ACOXL: variants seen among roughly 807,000 people sequenced by gnomAD.
ACOXL encodes the protein acyl-CoA oxidase like, also known as acyl-coenzyme A oxidase-like protein.
A neutral mutation model predicts 71.9 loss-of-function variants in ACOXL; 70 were observed. The observed-to-expected ratio is 0.97, with a 90% confidence interval of 0.80 to 1.19. ACOXL has a LOEUF of 1.19. Among genes scored for constraint, ACOXL ranks in the 50% most tolerant of loss-of-function variants. The pLI, the probability that ACOXL is intolerant of heterozygous loss-of-function variation, is 0.00. For synonymous variants in ACOXL, 253 were observed against 281.6 expected (o/e 0.90, Z 1.02); for missense variants, 703 against 736.3 (o/e 0.95, Z 0.52).
chr2:111,095,172 C>T (rs895358173), intron 17 of ACOXL, among the ~76,000 whole-genome samples: 4 of 150,598 alleles, frequency 2.7e-5, no homozygotes, highest in Non-Finnish European at 5.9e-5. Context: ...AGACTATTTC[C>T]CACAAAGAGA....
chr2:111,028,428 T>G (rs11674813), intron 14 of ACOXL, among the ~76,000 whole-genome samples: 62,203 of 151,436 alleles, frequency 0.41, 13,162 homozygotes, highest in African/African-American at 0.49. Context: ...AGTGCTGGGT[T>G]TGCAGGTTTA....
intron 10 of ACOXL, among the ~76,000 whole-genome samples, chr2:110,844,694 C>G (rs1433700609): frequency 6.6e-6 from 1 of 152,014 alleles, no homozygotes; most frequent in Non-Finnish European, 1.5e-5. Context: ...ATTACAGGCA[C>G]CTGCCATCAC....
chr2:111,015,592 A>G (rs932719461), intron 14 of ACOXL, among the ~76,000 whole-genome samples: 2 of 152,210 alleles, frequency 1.3e-5, no homozygotes, highest in African/African-American at 2.4e-5. Flanking sequence ...CACCTATACT[A>G]TGAGCCAGCA....
chr2:110,994,977 C>G lies in ACOXL; in HGVS notation c.1170-916C>G, dbSNP rs143907716. 3.1e-3 allele frequency among the ~76,000 whole-genome samples: 474 copies of G among 151,984 alleles called. 7 individuals are homozygous for G. Among genetic ancestry groups the G allele is most frequent in the African/African-American group, 0.011 (454 of 41,418 alleles). On this transcript the variant is annotated intron_variant, in intron 13 of 17. Coordinates refer to ENST00000439055, the MANE Select transcript of ACOXL (RefSeq NM_001142807.4). Reference sequence around the variant, plus strand: ...CTCTACATTGGATAATTATAGTATTCTAGAATTATCGAGAAAATTGAATAA... The same window carrying G: ...CTCTACATTGGATAATTATAGTATTGTAGAATTATCGAGAAAATTGAATAA...
intron 1 of ACOXL, among the ~76,000 whole-genome samples, chr2:110,739,218 C>T (rs143924833): frequency 2.6e-5 from 4 of 152,250 alleles, no homozygotes; most frequent in East Asian, 1.9e-4. Context: ...TTGTTGGGCC[C>T]GGGCTTTCTT....
In ACOXL at chr2:110,980,756, C is replaced by T. The variant is rs3789099; in HGVS notation, c.1060-6352C>T. ...TAGCCCTGCCCCTGCCCCTTCCTGC[C>T]GTACACCCTGGCCGCCCAGGCTTCT... On this transcript the variant is annotated intron_variant, in intron 12 of 17. Transcript: ENST00000439055. 0.021 allele frequency among the ~76,000 whole-genome samples: 3,161 copies of T among 152,286 alleles called. 322 individuals carry two copies. In the East Asian group the frequency reaches 0.32, roughly 15 times the overall value.
At chr2:111,083,551 C>G (rs1423613172) in intron 16 of ACOXL, among the ~76,000 whole-genome samples, 4 of 151,498 alleles carry the variant, frequency 2.6e-5, no homozygotes, top group Non-Finnish European at 5.9e-5. Flanking sequence ...ACCTTGGAGT[C>G]CAGGGTTTTT....
chr2:110,837,964 C>T (rs895492126), intron 9 of ACOXL, among the ~76,000 whole-genome samples: 5 of 152,216 alleles, frequency 3.3e-5, no homozygotes, highest in African/African-American at 1.2e-4. Flanking sequence ...GGGCCTCCCT[C>T]CCCTCTCTCT....
chr2:110,968,070 C>T (rs993998368), intron 12 of ACOXL: 57 of 1,190,158 alleles, frequency 4.8e-5, no homozygotes, highest in Admixed American at 8.4e-5. Context: ...GCGCAGCATA[C>T]GCACACGAAC....
intron 11 of ACOXL, among the ~76,000 whole-genome samples, chr2:110,930,976 A>G (rs77650170): frequency 6.6e-6 from 1 of 152,200 alleles, no homozygotes; most frequent in African/African-American, 2.4e-5. Flanking sequence ...TGTTTAATCT[A>G]TTTTTTGAGT....
At chr2:111,018,481 G>A (rs1188466979) in intron 14 of ACOXL, among the ~76,000 whole-genome samples, 5 of 152,158 alleles carry the variant, frequency 3.3e-5, no homozygotes, top group Non-Finnish European at 5.9e-5. Context: ...AGAGGCTGAC[G>A]GACAGGGTGA....
chr2:110,863,795 G>A (rs939815354), intron 10 of ACOXL, among the ~76,000 whole-genome samples: 2 of 151,992 alleles, frequency 1.3e-5, no homozygotes, highest in African/African-American at 2.4e-5. Flanking sequence ...ATATTATTTG[G>A]GTCCTTCGTT....
chr2:111,091,195 C>T (rs1181748988), intron 16 of ACOXL, among the ~76,000 whole-genome samples: 1 of 152,124 alleles, frequency 6.6e-6, no homozygotes, highest in African/African-American at 2.4e-5. Flanking sequence ...CCCTCTAAGC[C>T]TAGAAGGTGG....
chr2:110,970,011 C>T (rs1462463218), intron 12 of ACOXL, among the ~76,000 whole-genome samples: 1 of 151,994 alleles, frequency 6.6e-6, no homozygotes, highest in Non-Finnish European at 1.5e-5. Context: ...AATAAATCTC[C>T]TGGCCTTGAA....
intron 13 of ACOXL, among the ~76,000 whole-genome samples, chr2:110,990,951 T>C (rs2063146101): frequency 6.6e-6 from 1 of 152,222 alleles, no homozygotes; most frequent in Non-Finnish European, 1.5e-5. Context: ...TCCATTCTTG[T>C]ACATGCCTGA....
intron 10 of ACOXL, among the ~76,000 whole-genome samples, chr2:110,882,152 T>C (rs1254086424): frequency 1.3e-5 from 2 of 152,198 alleles, no homozygotes; most frequent in African/African-American, 2.4e-5. Flanking sequence ...TCTTTTCAAT[T>C]TGAGTGATTC....
At chr2:111,067,068 C>T (rs946069488) in intron 16 of ACOXL, among the ~76,000 whole-genome samples, 3 of 152,108 alleles carry the variant, frequency 2.0e-5, no homozygotes, top group Non-Finnish European at 4.4e-5. Context: ...TACAGAGTCT[C>T]ATAAAACTTA....
chr2:110,737,425 AT>A (rs913927162), intron 1 of ACOXL, among the ~76,000 whole-genome samples: 87 of 152,316 alleles, frequency 5.7e-4, no homozygotes, highest in African/African-American at 2.0e-3. Flanking sequence ...GTGTATCACC[AT>A]TTTTACTTAA....
At chr2:110,949,917 G>A (rs1267382690) in intron 12 of ACOXL, among the ~76,000 whole-genome samples, 1 of 151,978 alleles carries the variant, frequency 6.6e-6, no homozygotes, top group Non-Finnish European at 1.5e-5. Context: ...CCCTTTTTTG[G>A]CAGGTGATAA....
Sources: allele counts gnomAD v4.1 joint callset (sites outside exome capture counted in the v4.1 genomes callset), GRCh38; gene constraint gnomAD v4.1.1; transcripts MANE v1.5; gene names NCBI Gene and HGNC (gene_info 2026-07-23, HGNC 2026-07-21).